Variants in ROBO1 observed in about 807,000 individuals in gnomAD.
ROBO1 encodes roundabout guidance receptor 1, also known as roundabout homolog 1.
In ROBO1, 149 loss-of-function variants were observed where a neutral mutation model predicts 195.9. That is an observed-to-expected ratio of 0.76 (90% CI 0.67 to 0.87). ROBO1 has a LOEUF of 0.87. ROBO1 is among the 40% of genes least tolerant of loss of function. ROBO1 has a pLI of 0.00. For synonymous variants in ROBO1, 816 were observed against 733.2 expected (o/e 1.11, Z -1.82); for missense variants, 1,933 against 2,068.3 (o/e 0.93, Z 1.27).
intron 1 of ROBO1, among the ~76,000 whole-genome samples, chr3:79,697,602 T>C (rs1258083113): frequency 6.6e-6 from 1 of 151,572 alleles, no homozygotes; most frequent in East Asian, 1.9e-4. Context: ...CCAAAATATA[T>C]TGTGGCAAGT....
At chr3:78,969,858 G>C (rs953375463) in intron 3 of ROBO1, among the ~76,000 whole-genome samples, 1 of 152,170 alleles carries the variant, frequency 6.6e-6, no homozygotes, top group Non-Finnish European at 1.5e-5. Context: ...GGTTTTTGCA[G>C]ACAGTTAAAT....
chr3:79,004,399 C>T (rs1304827052), intron 3 of ROBO1, among the ~76,000 whole-genome samples: 1 of 152,122 alleles, frequency 6.6e-6, no homozygotes, highest in East Asian at 1.9e-4. Context: ...CTTATTAATT[C>T]ACAGAATGAC....
At chr3:79,475,311 T>C (rs1442129715) in intron 2 of ROBO1, among the ~76,000 whole-genome samples, 1 of 151,954 alleles carries the variant, frequency 6.6e-6, no homozygotes, top group African/African-American at 2.4e-5. Flanking sequence ...AATGAACACA[T>C]ATTGTTTAGT....
chr3:78,986,100 G>C (rs573607944), intron 3 of ROBO1, among the ~76,000 whole-genome samples: 3 of 152,294 alleles, frequency 2.0e-5, no homozygotes, highest in East Asian at 3.9e-4. Flanking sequence ...TTGAAGAAGG[G>C]TGTAATCAGA....
At chr3:79,514,704 TGTGA>T (rs145878554) in intron 2 of ROBO1, among the ~76,000 whole-genome samples, 4,523 of 152,288 alleles carry the variant, frequency 0.03, 233 homozygotes, top group African/African-American at 0.1. Context: ...TGTGTCTGTG[TGTGA>T]GTGTTTATGA....
At chr3:79,138,943 C>A (rs1252043499) in intron 2 of ROBO1, among the ~76,000 whole-genome samples, 2 of 151,670 alleles carry the variant, frequency 1.3e-5, no homozygotes, top group Non-Finnish European at 1.5e-5. Context: ...ATTAATATTT[C>A]ATTTGCTTAT....
At chr3:79,173,401 G>A (rs2081202670) in intron 2 of ROBO1, among the ~76,000 whole-genome samples, 1 of 152,130 alleles carries the variant, frequency 6.6e-6, no homozygotes, top group African/African-American at 2.4e-5. Flanking sequence ...AGTTCCAGGT[G>A]GGTGTGGGCT....
At chr3:78,868,754 C>T (rs1450104620) in intron 4 of ROBO1, among the ~76,000 whole-genome samples, 2 of 152,138 alleles carry the variant, frequency 1.3e-5, no homozygotes, top group Admixed American at 6.6e-5. Context: ...ACACTTGGTA[C>T]ATCACAGCTG....
intron 1 of ROBO1, among the ~76,000 whole-genome samples, chr3:79,734,212 G>C (rs929763594): frequency 2.0e-5 from 3 of 152,054 alleles, no homozygotes; most frequent in Non-Finnish European, 4.4e-5. Flanking sequence ...CTCCCAAAGT[G>C]CTGGGATTAC....
At chr3:78,715,532 C>T (rs2108060164) in intron 7 of ROBO1, among the ~76,000 whole-genome samples, 1 of 152,174 alleles carries the variant, frequency 6.6e-6, no homozygotes, top group Middle Eastern at 3.4e-3. Flanking sequence ...ATTAATTTTT[C>T]TTCTTATTAT....
At chr3:78,638,233 GTA>G (rs1388460572) in intron 22 of ROBO1, among the ~76,000 whole-genome samples, 3 of 136,304 alleles carry the variant, frequency 2.2e-5, no homozygotes, top group African/African-American at 5.7e-5. Flanking sequence ...ATACATATAT[GTA>G]TGTGTGTATA....
At chr3:79,523,642 T>C (rs1007901455) in intron 2 of ROBO1, among the ~76,000 whole-genome samples, 2 of 151,804 alleles carry the variant, frequency 1.3e-5, no homozygotes, top group Non-Finnish European at 2.9e-5. Context: ...CCAGCTAATT[T>C]TTTCTATTTT....
At chr3:79,628,006 A>G (rs1945229717) in intron 1 of ROBO1, among the ~76,000 whole-genome samples, 1 of 152,188 alleles carries the variant, frequency 6.6e-6, no homozygotes. Flanking sequence ...GAGGCTGTGG[A>G]AAAGTAGGAA....
At chr3:78,697,850 C>G (rs1057065342) in intron 8 of ROBO1, among the ~76,000 whole-genome samples, 1 of 152,028 alleles carries the variant, frequency 6.6e-6, no homozygotes, top group African/African-American at 2.4e-5. Flanking sequence ...TAGGTTGACT[C>G]TATAGAATGT....
chr3:78,949,549 A>G (rs1471270252), intron 3 of ROBO1, among the ~76,000 whole-genome samples: 7 of 152,224 alleles, frequency 4.6e-5, no homozygotes, highest in African/African-American at 1.7e-4. Flanking sequence ...ACCTAAAACC[A>G]TAAAAACCCT....
At chr3:78,715,219 A>G (rs2081870394) in intron 7 of ROBO1, 2 of 152,204 alleles carry the variant, frequency 1.3e-5, no homozygotes, top group Non-Finnish European at 2.9e-5. Flanking sequence ...ACTAATAATT[A>G]GACATCACAT....
At chr3:78,931,448 G>T (rs2039528048) in intron 4 of ROBO1, among the ~76,000 whole-genome samples, 1 of 151,646 alleles carries the variant, frequency 6.6e-6, no homozygotes, top group Non-Finnish European at 1.5e-5. Flanking sequence ...GTTTCTCCAT[G>T]ATGGTCAGGC....
At chr3:79,736,051 A>T (rs73849829) in intron 1 of ROBO1, among the ~76,000 whole-genome samples, 5,580 of 152,244 alleles carry the variant, frequency 0.037, 349 homozygotes, top group African/African-American at 0.13. Flanking sequence ...GTGTGTAAAA[A>T]AAATTAAGTA....
At chr3:78,979,316 C>T (rs926798672) in intron 3 of ROBO1, among the ~76,000 whole-genome samples, 13 of 152,146 alleles carry the variant, frequency 8.5e-5, no homozygotes, top group African/African-American at 2.4e-4. Flanking sequence ...AAAATCCGGG[C>T]TTTTATCTCA....
Sources: allele counts gnomAD v4.1 joint callset (sites outside exome capture counted in the v4.1 genomes callset), GRCh38; gene constraint gnomAD v4.1.1; transcripts MANE v1.5; gene names NCBI Gene and HGNC (gene_info 2026-07-23, HGNC 2026-07-21).